GABRB2: variants seen among roughly 807,000 people sequenced by gnomAD.
The protein encoded by GABRB2 is gamma-aminobutyric acid receptor subunit beta-2.
A neutral mutation model predicts 54.7 loss-of-function variants in GABRB2; 16 were observed. That is an observed-to-expected ratio of 0.29 (90% CI 0.20 to 0.44). The LOEUF (loss-of-function observed/expected upper bound fraction) is 0.44. Among genes scored for constraint, GABRB2 ranks in the 20% least tolerant of loss-of-function variants. The probability of loss-of-function intolerance (pLI) is 1.00; values close to 1 mark genes in which losing one functional copy is unlikely to be tolerated. For synonymous variants in GABRB2, 244 were observed against 233.8 expected (o/e 1.04, Z -0.40); for missense variants, 355 against 644.0 (o/e 0.55, Z 4.86).
chr5:161,374,336 G>T (rs1210294988), intron 5 of GABRB2, among the ~76,000 whole-genome samples: 1 of 152,142 alleles, frequency 6.6e-6, no homozygotes, highest in African/African-American at 2.4e-5. Context: ...GCTCAAAATG[G>T]AAATCTTGAT....
intron 3 of GABRB2, among the ~76,000 whole-genome samples, chr5:161,465,487 T>C (rs1758253047): frequency 6.6e-6 from 1 of 152,128 alleles, no homozygotes; most frequent in African/African-American, 2.4e-5. Context: ...ATGTTGTCAT[T>C]TAAAAATCTT....
chr5:161,412,017 C>T (rs879805820), intron 4 of GABRB2, among the ~76,000 whole-genome samples: 4 of 152,058 alleles, frequency 2.6e-5, no homozygotes, highest in Admixed American at 1.3e-4. Flanking sequence ...TAGAAACTAA[C>T]GTTGAATCTG....
upstream of GABRB2, chr5:161,546,744 G>A (rs1453049209): frequency 1.8e-5 from 27 of 1,523,904 alleles, no homozygotes; most frequent in Non-Finnish European, 2.4e-5. Flanking sequence ...TGCGCACGGC[G>A]TACCAAAACA....
intron 5 of GABRB2, among the ~76,000 whole-genome samples, chr5:161,389,506 T>G (rs938429022): frequency 2.6e-5 from 4 of 151,734 alleles, no homozygotes; most frequent in African/African-American, 4.8e-5. Context: ...TGCAGATAGA[T>G]TGATAGATAT....
chr5:161,427,472 A>G (rs2113163643), intron 4 of GABRB2, among the ~76,000 whole-genome samples: 1 of 152,278 alleles, frequency 6.6e-6, no homozygotes, highest in African/African-American at 2.4e-5. Context: ...AAGGTGATGG[A>G]GGCAGGGCCT....
chr5:161,526,374 G>A (rs1581059326), intron 3 of GABRB2, among the ~76,000 whole-genome samples: 1 of 151,456 alleles, frequency 6.6e-6, no homozygotes, highest in African/African-American at 2.4e-5. Context: ...ATGGAGACAA[G>A]TTATCACTCT....
At chr5:161,405,859 G>A (rs1352840070) in intron 5 of GABRB2, among the ~76,000 whole-genome samples, 1 of 152,030 alleles carries the variant, frequency 6.6e-6, no homozygotes, top group African/African-American at 2.4e-5. Context: ...CGACAAGGAT[G>A]ATTTAGAATA....
chr5:161,318,686 C>A (rs1446391383), intron 9 of GABRB2, among the ~76,000 whole-genome samples: 1 of 151,902 alleles, frequency 6.6e-6, no homozygotes, highest in Admixed American at 6.6e-5. Flanking sequence ...ACATACTTTT[C>A]TTTCAAATAA....
At chr5:161,520,529 T>C (rs549860301) in intron 3 of GABRB2, among the ~76,000 whole-genome samples, 1 of 152,122 alleles carries the variant, frequency 6.6e-6, no homozygotes, top group Non-Finnish European at 1.5e-5. Flanking sequence ...TATGATAATA[T>C]GGATATACTA....
chr5:161,323,093 C>T (rs1293294312), intron 9 of GABRB2, among the ~76,000 whole-genome samples: 4 of 149,282 alleles, frequency 2.7e-5, no homozygotes, highest in East Asian at 2.0e-4. Context: ...GGTGCGATCT[C>T]GTCTCACTGC....
chr5:161,476,665 A>G (rs1758599946), intron 3 of GABRB2, among the ~76,000 whole-genome samples: 2 of 151,920 alleles, frequency 1.3e-5, no homozygotes, highest in Admixed American at 1.3e-4. Flanking sequence ...CTCTTAAGCA[A>G]GGGTGCCAAG....
intron 5 of GABRB2, among the ~76,000 whole-genome samples, chr5:161,351,827 T>C (rs559408485): frequency 2.0e-5 from 3 of 152,094 alleles, no homozygotes; most frequent in Admixed American, 6.6e-5. Context: ...ATGTCCAAAA[T>C]ATATAAGGAA....
chr5:161,525,171 T>G (rs1227553071), intron 3 of GABRB2, among the ~76,000 whole-genome samples: 1 of 151,166 alleles, frequency 6.6e-6, no homozygotes, highest in African/African-American at 2.4e-5. Flanking sequence ...GATACAAGTG[T>G]GCCCTAATAA....
intron 3 of GABRB2, among the ~76,000 whole-genome samples, chr5:161,492,464 G>T (rs1047528174): frequency 6.6e-6 from 1 of 151,620 alleles, no homozygotes; most frequent in Non-Finnish European, 1.5e-5. Flanking sequence ...ACCCAAGGAA[G>T]ACTGTTAAAC....
intron 9 of GABRB2, among the ~76,000 whole-genome samples, chr5:161,315,965 C>T (rs114161236): frequency 2.0e-5 from 3 of 151,964 alleles, no homozygotes; most frequent in African/African-American, 4.8e-5. Context: ...CTTGTTAAAG[C>T]GAATAGGTTT....
rs547958271 is a variant in GABRB2, at chr5:161,533,569, C to T, written c.237+11658G>A. ...AGTTATTTATTTTGCATATAATTTG[C>T]ATGTTATTGTTATTGTTGCTTAAGT... On this transcript the variant is annotated intron_variant, in intron 3 of 9. Transcript: ENST00000393959. Among the ~76,000 whole-genome samples the T allele has an allele frequency of 9.9e-5, 15 of 152,092 alleles. No individual in the cohort carries two copies. In the South Asian group the frequency reaches 2.5e-3, roughly 25 times the overall value.
intron 4 of GABRB2, among the ~76,000 whole-genome samples, chr5:161,448,749 C>T (rs959011797): frequency 3.3e-5 from 5 of 152,068 alleles, no homozygotes; most frequent in African/African-American, 9.7e-5. Flanking sequence ...CTTGGTCGTT[C>T]AGAAAAGTGT....
intron 9 of GABRB2, 71 bp from the exon 10 acceptor site, chr5:161,294,499 T>C: frequency 7.6e-7 from 1 of 1,313,968 alleles, no homozygotes; most frequent in South Asian, 1.3e-5. Flanking sequence ...GGCAAGGCAC[T>C]ATGATCGGCA....
chr5:161,415,626 G>T (rs1756642147), intron 4 of GABRB2, among the ~76,000 whole-genome samples: 1 of 151,922 alleles, frequency 6.6e-6, no homozygotes, highest in Non-Finnish European at 1.5e-5. Flanking sequence ...TTTGTTTTTT[G>T]TTTTGAGATG....
Sources: gnomAD v4.1 joint callset for allele counts (sites outside exome capture counted in the v4.1 genomes callset) on GRCh38, gnomAD v4.1.1 for gene constraint, MANE v1.5 for transcripts, NCBI Gene and HGNC (gene_info 2026-07-23, HGNC 2026-07-21) for gene names.